The following PTPRE variants were observed in gnomAD, a reference collection of about 807,000 sequenced individuals.
PTPRE encodes receptor-type tyrosine-protein phosphatase epsilon.
Under a neutral mutation model 102.0 loss-of-function variants are expected in PTPRE, and 51 were observed. That is an observed-to-expected ratio of 0.50 (90% CI 0.40 to 0.63). PTPRE has a LOEUF of 0.63. PTPRE is among the 30% of genes least tolerant of loss of function. PTPRE has a pLI of 0.00. For missense variants in PTPRE, 752 were observed against 915.1 expected (o/e 0.82, Z 2.30); for synonymous variants, 345 against 348.2 (o/e 0.99, Z 0.10).
At position 128,084,353 on chromosome 10, in the gene PTPRE, C is replaced by T. The variant is rs1471567665; in HGVS notation, c.*1447C>T. 1 of 152,116 alleles carries T rather than the reference C, an allele frequency of 6.6e-6. No individual in the cohort carries two copies. Among genetic ancestry groups the T allele is most frequent in the Admixed American group, 6.5e-5 (1 of 15,276 alleles). The allele number at this position is 152,116 out of a possible 1,614,324, so 9.4% of individuals were successfully genotyped here. On this transcript the variant is annotated 3_prime_UTR_variant, in exon 21 of 21. Coordinates refer to ENST00000254667, the MANE Select transcript of PTPRE (RefSeq NM_006504.6). ...ACATAAAGGCCTTATTTGACATTTT[C>T]ACTGATAACTGATCGCACCCTCATG...
intron 1 of PTPRE, among the ~76,000 whole-genome samples, chr10:127,958,824 T>G (rs746017732): frequency 5.3e-5 from 8 of 152,114 alleles, no homozygotes; most frequent in Non-Finnish European, 1.2e-4. Context: ...GCCTGGTCCT[T>G]TCTGTTTTAG....
intron 2 of PTPRE, among the ~76,000 whole-genome samples, chr10:128,023,156 G>A (rs1401664217): frequency 1.3e-5 from 2 of 152,096 alleles, no homozygotes; most frequent in African/African-American, 4.8e-5. Flanking sequence ...ACAGTATATT[G>A]TTAGAATTGT....
At chr10:127,981,110 A>G (rs1851575325) in intron 1 of PTPRE, among the ~76,000 whole-genome samples, 1 of 152,222 alleles carries the variant, frequency 6.6e-6, no homozygotes, top group Non-Finnish European at 1.5e-5. Context: ...ATGCAATGGA[A>G]TATTATTCAG....
intron 2 of PTPRE, among the ~76,000 whole-genome samples, chr10:127,985,320 T>C (rs7922969): frequency 0.99 from 150,762 of 152,392 alleles, 74,575 homozygotes; most frequent in East Asian, 1. Context: ...TGGTGGCTCA[T>C]GCCTGTAATC....
Position 128,022,539 on chromosome 10 carries a change from G to A in PTPRE, c.-7-18336G>A, listed in dbSNP as rs1287522809. On this transcript the variant is annotated intron_variant, in intron 2 of 20. Transcript: ENST00000254667. ...GAGAGGGAGGCACACACCTCCCTGT[G>A]CTCCTCCTGGTCACCCTCCCACAGT... 3.9e-5 allele frequency among the ~76,000 whole-genome samples: 6 copies of A among 152,162 alleles called. No homozygotes were observed. In the South Asian group the frequency reaches 8.3e-4, roughly 21 times the overall value.
chr10:128,012,429 A>C (rs2135624236), intron 2 of PTPRE, among the ~76,000 whole-genome samples: 1 of 152,240 alleles, frequency 6.6e-6, no homozygotes, highest in Admixed American at 6.5e-5. Flanking sequence ...GCTAGTAAAT[A>C]TCCAGTGTCA....
intron 2 of PTPRE, chr10:127,999,512 C>T: frequency 1.0e-6 from 1 of 985,270 alleles, no homozygotes; most frequent in Non-Finnish European, 1.2e-6. Context: ...CTGTTCCTCT[C>T]CGAGCTCAGT....
At chr10:127,959,441 A>G (rs1367463220) in intron 1 of PTPRE, among the ~76,000 whole-genome samples, 1 of 150,540 alleles carries the variant, frequency 6.6e-6, no homozygotes, top group African/African-American at 2.4e-5. Context: ...CTTCCTGGGC[A>G]TTTTCTTGAA....
At chr10:128,066,454 G>T (rs1426371578) in intron 11 of PTPRE, among the ~76,000 whole-genome samples, 1 of 152,210 alleles carries the variant, frequency 6.6e-6, no homozygotes, top group Non-Finnish European at 1.5e-5. Flanking sequence ...TCTCCAGGAG[G>T]AAGACCAGTC....
chr10:128,067,989 G>A, intron 11 of PTPRE, 134 bp from the exon 12 acceptor site: 2 of 991,254 alleles, frequency 2.0e-6, no homozygotes, highest in Non-Finnish European at 2.9e-6. Flanking sequence ...GCTCAGGCAG[G>A]CCCTCTGTGG....
intron 1 of PTPRE, among the ~76,000 whole-genome samples, chr10:127,958,390 A>G (rs929636298): frequency 1.3e-5 from 2 of 152,050 alleles, no homozygotes; most frequent in East Asian, 1.9e-4. Context: ...GTTTGTTGAG[A>G]GTTTTCATCA....
chr10:127,946,050 G>A (rs1054302357), intron 1 of PTPRE, among the ~76,000 whole-genome samples: 53 of 152,136 alleles, frequency 3.5e-4, no homozygotes, highest in Admixed American at 3.3e-3. Flanking sequence ...TGGGCCAGGA[G>A]TAGATCCAGG....
intron 19 of PTPRE, 145 bp from the exon 20 acceptor site, chr10:128,079,415 T>C: frequency 9.1e-7 from 1 of 1,104,672 alleles, no homozygotes; most frequent in Non-Finnish European, 1.3e-6. Context: ...TACATACAAA[T>C]GATCAAAAAA....
At chr10:127,924,688 G>C (rs1846878758) in intron 1 of PTPRE, among the ~76,000 whole-genome samples, 1 of 152,228 alleles carries the variant, frequency 6.6e-6, no homozygotes, top group African/African-American at 2.4e-5. Flanking sequence ...AAGATTAACT[G>C]AGATAACCCA....
Position 128,008,384 on chromosome 10 carries a change from T to C in PTPRE, c.-8+26088T>C, listed in dbSNP as rs973971423. ...AGTCCCTGGGATGCCAAGCTCTCTC[T>C]GGACCTGAAAAAGCCTCCCATCAAG... On this transcript the variant is annotated intron_variant, in intron 2 of 20. Transcript: ENST00000254667. This position sits in a 1 kb window ranked among gnomAD's most constrained non-coding sequence, Gnocchi z 4.0. Among the ~76,000 whole-genome samples, 1 of 152,114 alleles carries C rather than the reference T, an allele frequency of 6.6e-6. No individual in the cohort carries two copies. Among genetic ancestry groups the C allele is most frequent in the African/African-American group, 2.4e-5 (1 of 41,438 alleles).
At chr10:127,912,928 G>C (rs972444957) in intron 1 of PTPRE, among the ~76,000 whole-genome samples, 1 of 152,244 alleles carries the variant, frequency 6.6e-6, no homozygotes, top group East Asian at 1.9e-4. Flanking sequence ...TACTCTGTCT[G>C]AATACCAGCA....
rs1230808146 is a variant in PTPRE at position 128,047,819 on chromosome 10, G to A, written c.265G>A (p.Gly89Arg). 5.6e-6 allele frequency: 9 copies of A among 1,603,028 alleles called. No individual in the cohort carries two copies. The highest frequency in any genetic ancestry group is 1.3e-5 in the African/African-American group (1 of 74,856). ...VSTSDKKMPNGILEEQEQQRV... is the reference protein window; with the variant it reads ...VSTSDKKMPNRILEEQEQQRV... The stretch of plus-strand genomic sequence containing the variant: ...CACCAGCGACAAGAAGATGCCCAAC[G>A]GAATCTTGGAGGAGCAAGGTACAGA... Residue 89 changes from glycine (G) to arginine (R), a missense_variant, in exon 5 of 21, where the codon GGA becomes AGA. Transcript: ENST00000254667.
At chr10:128,045,412 T>C (rs1282340145) in intron 3 of PTPRE, among the ~76,000 whole-genome samples, 1 of 152,164 alleles carries the variant, frequency 6.6e-6, no homozygotes, top group African/African-American at 2.4e-5. Context: ...GTAGTCACCA[T>C]CTCTGCAGAA....
At chr10:128,059,574 T>C (rs1194467973) in intron 7 of PTPRE, among the ~76,000 whole-genome samples, 1 of 152,118 alleles carries the variant, frequency 6.6e-6, no homozygotes, top group Non-Finnish European at 1.5e-5. Context: ...TACTCAGTAA[T>C]GACTCAGGAA....
Sources: allele counts gnomAD v4.1 joint callset (sites outside exome capture counted in the v4.1 genomes callset), GRCh38; gene constraint gnomAD v4.1.1; non-coding constraint Gnocchi (gnomAD v3.1); transcripts MANE v1.5; gene names NCBI Gene and HGNC (gene_info 2026-07-23, HGNC 2026-07-21).